Variants in CADM1 observed in about 807,000 individuals in gnomAD.
CADM1 encodes TSLC-1.
Under a neutral mutation model 53.1 loss-of-function variants are expected in CADM1, and 15 were observed. The ratio of observed to expected loss-of-function variants is 0.28; its 90% CI spans 0.19 to 0.44. The LOEUF is 0.44. CADM1 is among the 20% of genes least tolerant of loss of function. The pLI, the probability that CADM1 is intolerant of heterozygous loss-of-function variation, is 1.00. For missense variants in CADM1, 434 were observed against 611.3 expected (o/e 0.71, Z 3.06); for synonymous variants, 281 against 243.0 (o/e 1.16, Z -1.45).
intron 1 of CADM1, among the ~76,000 whole-genome samples, chr11:115,406,164 C>A (rs375485165): frequency 1.3e-5 from 2 of 152,016 alleles, no homozygotes; most frequent in Non-Finnish European, 1.5e-5. Context: ...ATCTTTAGAC[C>A]CCATATGCTA....
At position 115,231,481 on chromosome 11, in the gene CADM1, C is replaced by T. The variant is rs768807528; in HGVS notation, c.434G>A (p.Arg145His). 21 of 1,613,782 alleles carry T rather than the reference C, an allele frequency of 1.3e-5. No homozygotes were observed. The highest frequency in any genetic ancestry group is 3.3e-5 in the South Asian group (3 of 91,080). The change falls in exon 4 of 12, where the codon CGT becomes CAT. Residue 145 changes from arginine (R) to histidine (H), a missense_variant. Arg to His is a conservative substitution (Grantham distance 29, BLOSUM62 0). Transcript: ENST00000331581. ...YTTITVLVPPRNLMIDIQKDT... is the reference protein window; with the variant it reads ...YTTITVLVPPHNLMIDIQKDT... Reference sequence around the variant, plus strand: ...TTTCTGGATATCGATCATCAGATTACGTGGTGGGACTACAAATTAAACATA... The same window carrying T: ...TTTCTGGATATCGATCATCAGATTATGTGGTGGGACTACAAATTAAACATA...
chr11:115,337,572 C>T (rs1364973933), intron 1 of CADM1, among the ~76,000 whole-genome samples: 2 of 152,100 alleles, frequency 1.3e-5, no homozygotes, highest in African/African-American at 2.4e-5. Flanking sequence ...TCTAACCTCC[C>T]TTGGCTCTTT....
In CADM1 at chr11:115,198,040, C is replaced by A. The variant is rs181508526; in HGVS notation, c.1111+366G>T. ...CCTGGGACTATGGCCTATATATAAA[C>A]AAAGCAACTGGGCCTTTAATTCAGA... On this transcript the variant is annotated intron_variant, in intron 9 of 11. Transcript: ENST00000331581. Among the ~76,000 whole-genome samples the A allele has an allele frequency of 2.0e-5, 3 of 152,314 alleles. No individual in the cohort carries two copies. In the East Asian group the frequency reaches 5.8e-4, roughly 29 times the overall value.
intron 1 of CADM1, among the ~76,000 whole-genome samples, chr11:115,348,254 T>C (rs1183274321): frequency 6.6e-6 from 1 of 152,208 alleles, no homozygotes; most frequent in Non-Finnish European, 1.5e-5. Context: ...ATTGAAAAGA[T>C]TACTATAAGA....
In CADM1 at chr11:115,196,087, C is replaced by A. The variant is rs567303455; in HGVS notation, c.1111+2319G>T. On this transcript the variant is annotated intron_variant, in intron 9 of 11. Coordinates refer to ENST00000331581, the MANE Select transcript of CADM1 (RefSeq NM_001301043.2). ...TAACATCCTACTGAGGTTTCACCAA[C>A]TTGAACATCGTCTCCAAACTAATAG... 3.9e-5 allele frequency among the ~76,000 whole-genome samples: 6 copies of A among 152,288 alleles called. No individual in the cohort carries two copies. In the East Asian group the frequency reaches 9.6e-4, roughly 24 times the overall value.
At chr11:115,206,758 CTTTTTTTTTTTTTTT>C (rs56270694) in intron 8 of CADM1, among the ~76,000 whole-genome samples, 78 of 38,238 alleles carry the variant, frequency 2.0e-3, no homozygotes, top group African/African-American at 6.0e-3. Context: ...CTGTGGACTT[CTTTTTTTTTTTTTTT>C]TTTTTTTTTT....
At chr11:115,369,026 TAAAAAAAAAAAAAAAAA>T (rs552309443) in intron 1 of CADM1, among the ~76,000 whole-genome samples, 1 of 44,748 alleles carries the variant, frequency 2.2e-5, no homozygotes, top group Non-Finnish European at 4.1e-5. Context: ...AAAAAAAATC[TAAAAAAAAAAAAAAAAA>T]AAAAAAAAAA....
At chr11:115,271,210 C>A (rs1001263697) in intron 1 of CADM1, among the ~76,000 whole-genome samples, 1 of 152,094 alleles carries the variant, frequency 6.6e-6, no homozygotes, top group Non-Finnish European at 1.5e-5. Flanking sequence ...GGGTCAAGTT[C>A]ATTCTTATAG....
In CADM1 at chr11:115,350,215, C is replaced by A. The variant is rs1207066701; in HGVS notation, c.125-109795G>T. On this transcript the variant is annotated intron_variant, in intron 1 of 11. Coordinates refer to ENST00000331581, the MANE Select transcript of CADM1 (RefSeq NM_001301043.2). ...CGAACTCCCAACTTCAGGTGATGCA[C>A]CCGCCTCAGCCTCCCAAAGTTCTGG... Among the ~76,000 whole-genome samples the A allele has an allele frequency of 5.3e-5, 8 of 152,354 alleles. No homozygotes were observed. The East Asian group carries it at 9.7e-4, about 18-fold the overall frequency.
chr11:115,381,497 A>G (rs1946578327), intron 1 of CADM1, among the ~76,000 whole-genome samples: 1 of 152,178 alleles, frequency 6.6e-6, no homozygotes, highest in South Asian at 2.1e-4. Context: ...AAACAGTACA[A>G]GCTTTGAAAT....
rs886574757 is a variant in CADM1 at position 115,173,566 on chromosome 11, G to A, written c.*2908C>T. On this transcript the variant is annotated 3_prime_UTR_variant, in exon 12 of 12. Coordinates refer to ENST00000331581, the MANE Select transcript of CADM1 (RefSeq NM_001301043.2). ...TCCTAAGGAGGAAGCTGGGACCAGA[G>A]GCCCATCTCTTCTCTCACTCGGAGG... 1 of 176,820 alleles carries A rather than the reference G, an allele frequency of 5.7e-6. No individual in the cohort carries two copies. The highest frequency in any genetic ancestry group is 2.4e-5 in the African/African-American group (1 of 41,948). 11.0% of individuals were successfully genotyped at this position (176,820 alleles called of 1,614,324 possible).
chr11:115,321,002 C>T (rs1380257511), intron 1 of CADM1, among the ~76,000 whole-genome samples: 1 of 152,104 alleles, frequency 6.6e-6, no homozygotes, highest in Non-Finnish European at 1.5e-5. Flanking sequence ...CCACATAGTT[C>T]ATACTTTTAA....
intron 1 of CADM1, among the ~76,000 whole-genome samples, chr11:115,359,688 G>A (rs1945977310): frequency 6.6e-6 from 1 of 152,116 alleles, no homozygotes; most frequent in East Asian, 1.9e-4. Flanking sequence ...TTTTTTTAAG[G>A]ATGAATCAGA....
intron 1 of CADM1, chr11:115,340,312 T>C (rs1945394248): frequency 6.6e-6 from 1 of 152,090 alleles, no homozygotes; most frequent in South Asian, 2.1e-4. Flanking sequence ...ACTTCTATGA[T>C]TATCTCTGTT....
At chr11:115,184,746 TAAAGGA>T (rs1179940815) in intron 10 of CADM1, among the ~76,000 whole-genome samples, 1 of 152,220 alleles carries the variant, frequency 6.6e-6, no homozygotes, top group Non-Finnish European at 1.5e-5. Context: ...TTAAGCTACT[TAAAGGA>T]AAACTGCAGT....
chr11:115,250,196 C>T (rs1238894691), intron 1 of CADM1, among the ~76,000 whole-genome samples: 1 of 152,156 alleles, frequency 6.6e-6, no homozygotes, highest in Non-Finnish European at 1.5e-5. Context: ...AGCCACTGTG[C>T]CCACCCTTAC....
At chr11:115,224,811 C>T (rs1332441861) in intron 5 of CADM1, among the ~76,000 whole-genome samples, 1 of 152,150 alleles carries the variant, frequency 6.6e-6, no homozygotes, top group Non-Finnish European at 1.5e-5. Context: ...TTTAAACAGG[C>T]TTTTATTTGA....
intron 1 of CADM1, among the ~76,000 whole-genome samples, chr11:115,314,860 G>T (rs1310761243): frequency 6.6e-6 from 1 of 152,178 alleles, no homozygotes; most frequent in Non-Finnish European, 1.5e-5. Context: ...AACTTCTCAA[G>T]CTAAGTCAAT....
chr11:115,261,658 A>C (rs1301585585), intron 1 of CADM1, among the ~76,000 whole-genome samples: 1 of 152,144 alleles, frequency 6.6e-6, no homozygotes, highest in African/African-American at 2.4e-5. Flanking sequence ...TTATATTTAC[A>C]TTGTTTCTAA....
Sources: allele counts gnomAD v4.1 joint callset (sites outside exome capture counted in the v4.1 genomes callset), GRCh38; gene constraint gnomAD v4.1.1; transcripts MANE v1.5; gene names NCBI Gene and HGNC (gene_info 2026-07-23, HGNC 2026-07-21).